Variants in RNLS observed in about 807,000 individuals in gnomAD.
The protein encoded by RNLS is renalase, FAD dependent amine oxidase.
Under a neutral mutation model 39.8 loss-of-function variants are expected in RNLS, and 39 were observed. The observed-to-expected ratio is 0.98, with a 90% CI of 0.76 to 1.28. The LOEUF (loss-of-function observed/expected upper bound fraction) is 1.28, where lower values mean the gene tolerates loss of function less well. Among genes scored for constraint, RNLS ranks in the 50% most tolerant of loss-of-function variants. RNLS has a pLI of 0.00. For synonymous variants in RNLS, 147 were observed against 150.7 expected, an observed-to-expected ratio of 0.98 and a Z score of 0.18; for missense variants, 410 against 413.3, an observed-to-expected ratio of 0.99 and a Z score of 0.07.
the RNLS span, among the ~76,000 whole-genome samples, chr10:88,239,142 T>C: frequency 6.6e-6 from 1 of 152,126 alleles, no homozygotes; most frequent in Admixed American, 6.5e-5. Context: ...GGCAAGGGGC[T>C]CTCCTGAAAT....
chr10:88,481,995 T>C (rs1049825095), intron 4 of RNLS, among the ~76,000 whole-genome samples: 1 of 152,184 alleles, frequency 6.6e-6, no homozygotes, highest in Non-Finnish European at 1.5e-5. Context: ...TCTTCCAGTA[T>C]CTTTCAAATG....
chr10:88,181,532 A>G, the RNLS span, among the ~76,000 whole-genome samples: 3 of 152,172 alleles, frequency 2.0e-5, no homozygotes, highest in South Asian at 6.2e-4. Flanking sequence ...TTTGTTGTAT[A>G]CCTGGGTCAT....
At chr10:88,460,473 C>G (rs1842885936) in intron 4 of RNLS, among the ~76,000 whole-genome samples, 2 of 152,118 alleles carry the variant, frequency 1.3e-5, no homozygotes, top group Admixed American at 1.3e-4. Context: ...TCTCATCAAC[C>G]TCATTATCAC....
At chr10:88,563,953 T>G (rs1273530708) in intron 4 of RNLS, among the ~76,000 whole-genome samples, 1 of 152,236 alleles carries the variant, frequency 6.6e-6, no homozygotes, top group Admixed American at 6.5e-5. Context: ...AATTTGTGGT[T>G]GTATTTTAGA....
chr10:88,430,732 T>G (rs1340087459), intron 4 of RNLS, among the ~76,000 whole-genome samples: 1 of 151,810 alleles, frequency 6.6e-6, no homozygotes, highest in Non-Finnish European at 1.5e-5. Context: ...GTTAAATGCT[T>G]TTCCTGCATC....
rs879152678 is a variant in RNLS, at chr10:88,517,343, A to T, written c.526+55560T>A. 2.6e-5 allele frequency among the ~76,000 whole-genome samples: 4 copies of T among 152,102 alleles called. No homozygotes were observed. In the South Asian group the frequency reaches 6.2e-4, roughly 24 times the overall value. ...TGATGCACCATTTATTAACAAAATCAACATTGTCCTTGGATGTCCATAACA... is the reference window on the plus strand; with the variant it reads ...TGATGCACCATTTATTAACAAAATCTACATTGTCCTTGGATGTCCATAACA... On this transcript the variant is annotated intron_variant, in intron 4 of 6. Transcript: ENST00000331772.
chr10:88,239,096 TTG>T, the RNLS span, among the ~76,000 whole-genome samples: 2 of 152,032 alleles, frequency 1.3e-5, no homozygotes, highest in African/African-American at 4.8e-5. Context: ...TATCAACGAA[TTG>T]CTTAATGATT....
At chr10:88,253,144 C>A in the RNLS span, among the ~76,000 whole-genome samples, 4 of 152,184 alleles carry the variant, frequency 2.6e-5, no homozygotes, top group Non-Finnish European at 5.9e-5. Flanking sequence ...ACTGGGTCTA[C>A]TTTGTAGAGC....
At chr10:88,395,964 C>G (rs1159245426) in intron 4 of RNLS, among the ~76,000 whole-genome samples, 1 of 152,024 alleles carries the variant, frequency 6.6e-6, no homozygotes, top group Non-Finnish European at 1.5e-5. Flanking sequence ...AAAAAAACAT[C>G]TACCAAGAAT....
At chr10:88,518,734 TG>T (rs1259101714) in intron 4 of RNLS, among the ~76,000 whole-genome samples, 1 of 151,964 alleles carries the variant, frequency 6.6e-6, no homozygotes, top group Admixed American at 6.6e-5. Context: ...AGAAGTAACG[TG>T]GATTGTCCAC....
intron 6 of RNLS, chr10:88,275,085 T>C: frequency 7.9e-7 from 1 of 1,267,088 alleles, no homozygotes; most frequent in Admixed American, 1.7e-5. Flanking sequence ...CACAATGGCC[T>C]CTGACACCTT....
At chr10:88,575,720 T>G (rs1014928531) in intron 3 of RNLS, among the ~76,000 whole-genome samples, 2 of 151,998 alleles carry the variant, frequency 1.3e-5, no homozygotes, top group African/African-American at 2.4e-5. Flanking sequence ...GATAAATAAA[T>G]AGTCTCAAGA....
At chr10:88,292,911 C>T (rs1366123913) in intron 6 of RNLS, among the ~76,000 whole-genome samples, 4 of 151,862 alleles carry the variant, frequency 2.6e-5, no homozygotes, top group African/African-American at 7.2e-5. Flanking sequence ...ATTAGCTGGG[C>T]GTGGTGGCAC....
At chr10:88,353,132 T>C (rs1047715504) in intron 5 of RNLS, among the ~76,000 whole-genome samples, 1 of 152,248 alleles carries the variant, frequency 6.6e-6, no homozygotes, top group Admixed American at 6.5e-5. Flanking sequence ...TCAATTTTGC[T>C]GATCTTTTCA....
At chr10:88,187,181 ATATATAATATATATAAT>A in the RNLS span, among the ~76,000 whole-genome samples, 3 of 8,328 alleles carry the variant, frequency 3.6e-4, no homozygotes, top group South Asian at 4.0e-3. Flanking sequence ...TATATATAAT[ATATATAATATATATAAT>A]ATATATATAA....
intron 5 of RNLS, among the ~76,000 whole-genome samples, chr10:88,350,566 C>A (rs1355325236): frequency 6.6e-6 from 1 of 152,060 alleles, no homozygotes; most frequent in Non-Finnish European, 1.5e-5. Context: ...TGAACTCATC[C>A]TTTTTTATGG....
At chr10:88,451,806 G>C (rs1842373889) in intron 4 of RNLS, among the ~76,000 whole-genome samples, 1 of 139,418 alleles carries the variant, frequency 7.2e-6, no homozygotes, top group Non-Finnish European at 1.6e-5. Context: ...AAACATCACA[G>C]AATGATCTAC....
chr10:88,283,059 C>T (rs374825747), downstream of RNLS, among the ~76,000 whole-genome samples: 9 of 152,280 alleles, frequency 5.9e-5, no homozygotes, highest in South Asian at 1.7e-3. Context: ...GGCCACTGTT[C>T]TACCTGGTGC....
downstream of RNLS, among the ~76,000 whole-genome samples, chr10:88,281,932 AAAG>A (rs1459793295): frequency 1.3e-5 from 2 of 152,152 alleles, no homozygotes; most frequent in Non-Finnish European, 2.9e-5. Flanking sequence ...AACTGGAAGA[AAAG>A]AAGAGAGCAA....
Sources: gnomAD v4.1 joint callset for allele counts (sites outside exome capture counted in the v4.1 genomes callset) on GRCh38, gnomAD v4.1.1 for gene constraint, MANE v1.5 for transcripts, NCBI Gene and HGNC (gene_info 2026-07-23, HGNC 2026-07-21) for gene names.